TUBB3: variants seen among roughly 807,000 people sequenced by gnomAD.
The protein encoded by TUBB3 is tubulin beta-3 chain.
In TUBB3, 17 loss-of-function variants were observed where a neutral mutation model predicts 37.8. The observed-to-expected ratio is 0.45, with a 90% CI of 0.31 to 0.67. The LOEUF is 0.67. TUBB3 is among the 30% of genes least tolerant of loss of function. The probability of loss-of-function intolerance (pLI) is 0.07; values close to 1 mark genes in which losing one functional copy is unlikely to be tolerated. For synonymous variants in TUBB3, 332 were observed against 278.9 expected (o/e 1.19, Z -1.90); for missense variants, 262 against 657.9 (o/e 0.40, Z 6.58).
At chr16:89,923,485 C>T (rs1402572744) in intron 1 of TUBB3, 27 bp downstream of exon 1, 5 of 1,425,658 alleles carry the variant, frequency 3.5e-6, no homozygotes, top group African/African-American at 1.5e-5. Flanking sequence ...CGGCCTGTCC[C>T]GGGCCCCGGG....
chr16:89,928,854 G>A (rs2030181000), intron 1 of TUBB3, among the ~76,000 whole-genome samples: 1 of 151,876 alleles, frequency 6.6e-6, no homozygotes, highest in Non-Finnish European at 1.5e-5. Context: ...AGTAGAGATG[G>A]GGTTTCACCA....
chr16:89,925,210 TCTGAACA>T (rs2030030907), intron 1 of TUBB3, among the ~76,000 whole-genome samples: 2 of 152,336 alleles, frequency 1.3e-5, no homozygotes, highest in African/African-American at 4.8e-5. Flanking sequence ...GTGCTCTGCT[TCTGAACA>T]CTGGAGCTCT....
chr16:89,924,909 C>T (rs1490845187), intron 1 of TUBB3, among the ~76,000 whole-genome samples: 1 of 150,830 alleles, frequency 6.6e-6, no homozygotes, highest in Admixed American at 6.6e-5. Flanking sequence ...CAAGCCTCCC[C>T]TGAGCATCTG....
upstream of TUBB3, among the ~76,000 whole-genome samples, chr16:89,923,075 C>G (rs1409008251): frequency 6.6e-6 from 1 of 152,188 alleles, no homozygotes; most frequent in Non-Finnish European, 1.5e-5. Flanking sequence ...CCCTGGAGCC[C>G]GGCGCCCCCA....
chr16:89,923,444 C>A lies in TUBB3; in HGVS notation c.43C>A (p.Gln15Lys). ...VHIQAGQCGN[Q>K]IGAKFWEVIS... ...CATCCAGGCCGGCCAGTGCGGCAAC[C>A]AGATCGGGGCCAAGGTGAGGCTGCG... Residue 15 changes from glutamine to lysine, a missense_variant, in exon 1 of 4, where the codon CAG becomes AAG. Around this residue, in one of 3 missense-constraint regions of TUBB3, gnomAD observed 58 missense variants for 74.2 expected, o/e 0.78. Transcript: ENST00000315491. The A allele has an allele frequency of 6.6e-7, 1 of 1,512,938 alleles. No individual in the cohort carries two copies. The highest frequency in any genetic ancestry group is 2.8e-5 in the East Asian group (1 of 35,260). The allele number at this position is 1,512,938 out of a possible 1,614,324, so 93.7% of individuals were successfully genotyped here.
intron 1 of TUBB3, among the ~76,000 whole-genome samples, chr16:89,928,348 G>A (rs972252347): frequency 2.6e-5 from 4 of 151,564 alleles, no homozygotes; most frequent in Non-Finnish European, 4.4e-5. Context: ...GAGCCACCAT[G>A]GCCAGCTGAT....
intron 1 of TUBB3, among the ~76,000 whole-genome samples, chr16:89,926,943 C>G (rs2030110255): frequency 6.6e-6 from 1 of 151,324 alleles, no homozygotes; most frequent in African/African-American, 2.4e-5. Context: ...TCTCAAACTC[C>G]TGACCTCAGG....
Position 89,929,124 on chromosome 16 carries a change from G to T in TUBB3, c.58-3447G>T, listed in dbSNP as rs1371333559. Reference sequence around the variant, plus strand: ...ATTACAGGTGCGCGCTACCACGCCCGGCTAATTTTTGTATTTTTAGTAGGG... The same window carrying T: ...ATTACAGGTGCGCGCTACCACGCCCTGCTAATTTTTGTATTTTTAGTAGGG... On this transcript the variant is annotated intron_variant, in intron 1 of 3. Coordinates refer to ENST00000315491, the MANE Select transcript of TUBB3 (RefSeq NM_006086.4). 2.0e-5 allele frequency among the ~76,000 whole-genome samples: 3 copies of T among 151,868 alleles called. No individual in the cohort carries two copies. The East Asian group carries it at 5.8e-4, about 29-fold the overall frequency.
intron 1 of TUBB3, 131 bp downstream of exon 1, chr16:89,923,589 C>T: frequency 1.1e-6 from 1 of 890,914 alleles, no homozygotes. Flanking sequence ...CAGCGCCGCG[C>T]CGGGCGGCCG....
At chr16:89,929,053 C>T (rs930453531) in intron 1 of TUBB3, among the ~76,000 whole-genome samples, 1 of 151,762 alleles carries the variant, frequency 6.6e-6, no homozygotes, top group Non-Finnish European at 1.5e-5. Flanking sequence ...ACCTCTGCCC[C>T]CTGGGTTCAA....
chr16:89,932,117 C>T (rs551852300), intron 1 of TUBB3: 2 of 300,546 alleles, frequency 6.7e-6, no homozygotes, highest in South Asian at 3.0e-5. Context: ...CAGCCAAAAG[C>T]GATCCTGAGC....
intron 1 of TUBB3, among the ~76,000 whole-genome samples, chr16:89,926,256 CGGGGCGGGGCTG>C (rs915975892): frequency 2.0e-5 from 3 of 152,046 alleles, no homozygotes; most frequent in African/African-American, 7.2e-5. Context: ...CTCGCGGCTG[CGGGGCGGGGCTG>C]GGGGCGGGGC....
chr16:89,933,623 G>A (rs2030347616), intron 3 of TUBB3, 45 bp downstream of exon 3: 1 of 1,485,520 alleles, frequency 6.7e-7, no homozygotes, highest in South Asian at 1.1e-5. Context: ...CCCCATCACA[G>A]GCAAGCCCAG....
In TUBB3 at chr16:89,932,558, A is replaced by G. The variant is rs1406672165; in HGVS notation, c.58-13A>G. On this transcript the variant is annotated splice_polypyrimidine_tract_variant and intron_variant, in intron 1 of 3. Transcript: ENST00000315491. ...GGCCGGTGCCGACCCCCCCTCTCCC[A>G]CTTTGTTTGCAGTTCTGGGAAGTCA... 1 of 1,612,632 alleles carries G rather than the reference A, an allele frequency of 6.2e-7. No homozygotes were observed. Among genetic ancestry groups the G allele is most frequent in the East Asian group, 2.2e-5 (1 of 44,878 alleles).
upstream of TUBB3, chr16:89,923,335 C>A (rs2029951525): frequency 4.4e-6 from 6 of 1,373,268 alleles, no homozygotes; most frequent in Non-Finnish European, 3.8e-6. Context: ...GGCCGCGGTC[C>A]CCGACCCTCA....
intron 1 of TUBB3, among the ~76,000 whole-genome samples, chr16:89,925,158 A>C (rs1324562358): frequency 6.6e-6 from 1 of 152,206 alleles, no homozygotes; most frequent in Non-Finnish European, 1.5e-5. Context: ...CACGGGTAGC[A>C]GAGGGAGCCC....
Position 89,927,206 on chromosome 16 carries a change from G to A in TUBB3, c.57+3748G>A, listed in dbSNP as rs7190000. On this transcript the variant is annotated intron_variant, in intron 1 of 3. Coordinates refer to ENST00000315491, the MANE Select transcript of TUBB3 (RefSeq NM_006086.4). ...CCTGGGCAACATGGCAAGACTCCGTGCCTACAAAAAATAAAAAACAAAAAA... is the reference window on the plus strand; with the variant it reads ...CCTGGGCAACATGGCAAGACTCCGTACCTACAAAAAATAAAAAACAAAAAA... Among the ~76,000 whole-genome samples the A allele has an allele frequency of 6.8e-3, 1,031 of 151,340 alleles. 5 individuals carry two copies. The highest frequency in any genetic ancestry group is 0.011 in the Non-Finnish European group (748 of 67,800).
intron 1 of TUBB3, among the ~76,000 whole-genome samples, chr16:89,926,205 G>A (rs111398992): frequency 3.3e-5 from 5 of 152,144 alleles, no homozygotes; most frequent in East Asian, 1.9e-4. Context: ...AGCGGCGGAG[G>A]GGGGAGCCTT....
At chr16:89,923,758 C>A (rs1288731478) in intron 1 of TUBB3, among the ~76,000 whole-genome samples, 1 of 152,178 alleles carries the variant, frequency 6.6e-6, no homozygotes, top group Non-Finnish European at 1.5e-5. Flanking sequence ...CGGGCCTCCG[C>A]AGGTGCAGCT....
Sources: gnomAD v4.1 joint callset for allele counts (sites outside exome capture counted in the v4.1 genomes callset) on GRCh38, gnomAD v4.1.1 for gene constraint, gnomAD v4.1.1 regional missense constraint, MANE v1.5 for transcripts, NCBI Gene and HGNC (gene_info 2026-07-23, HGNC 2026-07-21) for gene names.